Variants in ZNF69 observed in about 807,000 individuals in gnomAD.
ZNF69 encodes zinc finger protein 69.
ZNF69 carries 47 observed loss-of-function variants against 50.9 expected under a neutral mutation model. That is an observed-to-expected ratio of 0.92 (90% confidence interval 0.73 to 1.18). The LOEUF (loss-of-function observed/expected upper bound fraction) is 1.18. Among genes scored for constraint, ZNF69 ranks in the 50% most tolerant of loss-of-function variants. The pLI is 0.00. For synonymous variants in ZNF69, 216 were observed against 223.1 expected (o/e 0.97, Z 0.29); for missense variants, 717 against 675.1 (o/e 1.06, Z -0.69).
At chr19:11,925,145 G>C in the ZNF69 span, 1 of 1,587,536 alleles carries the variant, frequency 6.3e-7, no homozygotes. Context: ...GTTGGTAACC[G>C]GTCAGACCAG....
chr19:11,922,038 AC>A, the ZNF69 span, among the ~76,000 whole-genome samples: 1 of 152,102 alleles, frequency 6.6e-6, no homozygotes. Flanking sequence ...CACTTCCAGG[AC>A]CTTATCAAGA....
chr19:11,948,648 C>T, the ZNF69 span: 2 of 1,611,376 alleles, frequency 1.2e-6, no homozygotes, highest in Non-Finnish European at 1.7e-6. Context: ...TCCATTCAAG[C>T]ATTCGAAGAC....
chr19:11,949,984 G>T, the ZNF69 span: 1 of 1,614,058 alleles, frequency 6.2e-7, no homozygotes, highest in South Asian at 1.1e-5. Context: ...TAAGGAATGC[G>T]AAAAAGCATT....
At chr19:11,941,496 A>T in the ZNF69 span, among the ~76,000 whole-genome samples, 1 of 152,184 alleles carries the variant, frequency 6.6e-6, no homozygotes, top group African/African-American at 2.4e-5. Context: ...GTGGGCTGGC[A>T]CTACTGGGGG....
chr19:11,941,007 C>T, the ZNF69 span, among the ~76,000 whole-genome samples: 2 of 150,918 alleles, frequency 1.3e-5, no homozygotes, highest in Non-Finnish European at 2.9e-5. Flanking sequence ...GGTGTATTTA[C>T]AATCCCTGAG....
At chr19:11,921,901 G>T in the ZNF69 span, among the ~76,000 whole-genome samples, 1 of 152,156 alleles carries the variant, frequency 6.6e-6, no homozygotes, top group East Asian at 1.9e-4. Context: ...TCGTGAGGCA[G>T]AAATTTAAAA....
At chr19:11,951,218 C>T in the ZNF69 span, among the ~76,000 whole-genome samples, 1 of 148,894 alleles carries the variant, frequency 6.7e-6, no homozygotes, top group Non-Finnish European at 1.5e-5. Context: ...TATCTCAACC[C>T]TAATTTTGCT....
At chr19:11,930,739 G>A in the ZNF69 span, among the ~76,000 whole-genome samples, 3 of 148,022 alleles carry the variant, frequency 2.0e-5, no homozygotes, top group Non-Finnish European at 2.9e-5. Flanking sequence ...GGTGGCTCAC[G>A]CCTGTAATAC....
At chr19:11,966,823 A>G in the ZNF69 span, among the ~76,000 whole-genome samples, 1 of 152,206 alleles carries the variant, frequency 6.6e-6, no homozygotes, top group Admixed American at 6.5e-5. Context: ...TTCAGATTTC[A>G]GCTGGAAGAG....
At chr19:11,954,737 C>A in the ZNF69 span, among the ~76,000 whole-genome samples, 908 of 151,910 alleles carry the variant, frequency 6.0e-3, 9 homozygotes, top group African/African-American at 0.022. Flanking sequence ...AGAAGGAGAA[C>A]CAAAGCCTGG....
the ZNF69 span, chr19:11,980,064 A>AT: frequency 1.4e-5 from 15 of 1,077,694 alleles, no homozygotes; most frequent in African/African-American, 4.7e-5. Flanking sequence ...GAGAAACCCT[A>AT]TGAGTGTAAG....
chr19:11,963,246 C>T, the ZNF69 span, among the ~76,000 whole-genome samples: 1 of 152,090 alleles, frequency 6.6e-6, no homozygotes, highest in Non-Finnish European at 1.5e-5. Flanking sequence ...CACACCACCT[C>T]TCCAGGCTAA....
the ZNF69 span, chr19:11,947,208 G>A: frequency 1.2e-5 from 20 of 1,613,796 alleles, no homozygotes; most frequent in Admixed American, 1.7e-5. Context: ...GGATGTGGCT[G>A]TGAACTTCAC....
At chr19:11,888,551 A>C (rs564623195) in intron 1 of ZNF69, among the ~76,000 whole-genome samples, 27 of 152,284 alleles carry the variant, frequency 1.8e-4, no homozygotes, top group East Asian at 7.7e-4. Flanking sequence ...CAACCCCAAG[A>C]AGCCTGGAGT....
At chr19:11,941,153 G>A in the ZNF69 span, among the ~76,000 whole-genome samples, 1 of 152,218 alleles carries the variant, frequency 6.6e-6, no homozygotes, top group Non-Finnish European at 1.5e-5. Context: ...ACAGAGTGCC[G>A]ATTGGTGCAT....
the ZNF69 span, chr19:11,956,415 G>A: frequency 2.5e-6 from 1 of 393,762 alleles, no homozygotes; most frequent in East Asian, 3.6e-5. Context: ...ATAGGTAAGT[G>A]CCTTATAATT....
the ZNF69 span, among the ~76,000 whole-genome samples, chr19:11,938,947 G>T: frequency 2.6e-5 from 4 of 152,216 alleles, no homozygotes; most frequent in East Asian, 7.7e-4. Flanking sequence ...ATCTCATTGT[G>T]GTTTTGATTT....
At chr19:11,951,865 T>C in the ZNF69 span, among the ~76,000 whole-genome samples, 1 of 152,236 alleles carries the variant, frequency 6.6e-6, no homozygotes, top group Non-Finnish European at 1.5e-5. Flanking sequence ...GTGACTTGTG[T>C]CTCTCCAATG....
At chr19:11,915,195 ACT>A (rs577261752), downstream of ZNF69, among the ~76,000 whole-genome samples, 83 of 152,160 alleles carry the variant, frequency 5.5e-4, no homozygotes, top group African/African-American at 1.8e-3. Flanking sequence ...ACACAGCGAG[ACT>A]CTGTCTCCAG....
Sources: allele counts gnomAD v4.1 joint callset (sites outside exome capture counted in the v4.1 genomes callset), GRCh38; gene constraint gnomAD v4.1.1; transcripts MANE v1.5; gene names NCBI Gene and HGNC (gene_info 2026-07-23, HGNC 2026-07-21).